The following ATF7IP2 variants were observed in gnomAD, a reference collection of about 807,000 sequenced individuals.
The protein encoded by ATF7IP2 is activating transcription factor 7-interacting protein 2.
ATF7IP2 carries 42 observed loss-of-function variants against 64.2 expected under a neutral mutation model. The observed-to-expected ratio is 0.65, with a 90% CI of 0.51 to 0.85. The LOEUF is 0.85. Among genes scored for constraint, ATF7IP2 ranks in the 40% least tolerant of loss-of-function variants. The pLI, the probability that ATF7IP2 is intolerant of heterozygous loss-of-function variation, is 0.00. For missense variants in ATF7IP2, 933 were observed against 784.2 expected (o/e 1.19, Z -2.27); for synonymous variants, 308 against 272.8 (o/e 1.13, Z -1.27).
chr16:10,478,412 C>T (rs1051422688), intron 12 of ATF7IP2, among the ~76,000 whole-genome samples: 1 of 152,122 alleles, frequency 6.6e-6, no homozygotes, highest in African/African-American at 2.4e-5. Context: ...GAAAGGATTC[C>T]CTATTTAATA....
intron 9 of ATF7IP2, among the ~76,000 whole-genome samples, chr16:10,469,315 C>T (rs1170764882): frequency 1.3e-5 from 2 of 151,980 alleles, no homozygotes; most frequent in East Asian, 3.9e-4. Flanking sequence ...CATCAGAGAC[C>T]TATGGAACAG....
chr16:10,470,273 A>G (rs1195318984), intron 9 of ATF7IP2, among the ~76,000 whole-genome samples: 1 of 152,188 alleles, frequency 6.6e-6, no homozygotes. Flanking sequence ...TGAAATTTAA[A>G]ATGGATGCCA....
At chr16:10,438,384 A>C in intron 7 of ATF7IP2, 149 bp downstream of exon 7, 1 of 701,214 alleles carries the variant, frequency 1.4e-6, no homozygotes, top group Non-Finnish European at 2.1e-6. Flanking sequence ...AGCTGAGACT[A>C]CAGGTGCACA....
At chr16:10,437,322 T>C (rs1218236848) in intron 6 of ATF7IP2, among the ~76,000 whole-genome samples, 1 of 152,138 alleles carries the variant, frequency 6.6e-6, no homozygotes, top group African/African-American at 2.4e-5. Flanking sequence ...CCCGGCTGGC[T>C]TCTTTCAGTT....
intron 6 of ATF7IP2, 74 bp downstream of exon 6, chr16:10,433,723 C>G (rs1196958538): frequency 6.6e-7 from 1 of 1,522,540 alleles, no homozygotes; most frequent in East Asian, 2.3e-5. Flanking sequence ...TATCTGGTCC[C>G]CACAGTGGCA....
At chr16:10,424,320 G>A (rs2048042908) in intron 3 of ATF7IP2, among the ~76,000 whole-genome samples, 1 of 152,020 alleles carries the variant, frequency 6.6e-6, no homozygotes, top group Admixed American at 6.5e-5. Context: ...GGCTAGATTT[G>A]GGGTCCTGTT....
At chr16:10,454,558 A>G (rs976268997) in intron 8 of ATF7IP2, among the ~76,000 whole-genome samples, 3 of 149,902 alleles carry the variant, frequency 2.0e-5, no homozygotes, top group Non-Finnish European at 4.4e-5. Flanking sequence ...TGTTATTTCT[A>G]TCATTTGTTT....
At chr16:10,453,102 C>G (rs1430238510) in intron 8 of ATF7IP2, among the ~76,000 whole-genome samples, 1 of 152,184 alleles carries the variant, frequency 6.6e-6, no homozygotes, top group Non-Finnish European at 1.5e-5. Flanking sequence ...ACGGTTCTCT[C>G]TCACTGGCAT....
At chr16:10,438,277 G>A (rs2048488859) in intron 7 of ATF7IP2, 42 bp downstream of exon 7, 1 of 1,564,198 alleles carries the variant, frequency 6.4e-7, no homozygotes, top group Non-Finnish European at 8.6e-7. Flanking sequence ...GGGGAGTAGG[G>A]GGTGTTGTTG....
intron 3 of ATF7IP2, among the ~76,000 whole-genome samples, chr16:10,425,608 A>G (rs1352201363): frequency 6.6e-6 from 1 of 152,154 alleles, no homozygotes; most frequent in African/African-American, 2.4e-5. Flanking sequence ...AAATGTTAAA[A>G]GTAGGCCGGG....
At chr16:10,432,095 C>G (rs1197872289) in intron 5 of ATF7IP2, among the ~76,000 whole-genome samples, 1 of 151,520 alleles carries the variant, frequency 6.6e-6, no homozygotes, top group Non-Finnish European at 1.5e-5. Flanking sequence ...CCTTGGCCTC[C>G]CAAAGTGCTG....
intron 1 of ATF7IP2, among the ~76,000 whole-genome samples, chr16:10,411,369 T>A (rs1363899111): frequency 1.2e-5 from 1 of 82,540 alleles, no homozygotes; most frequent in East Asian, 4.0e-4. Flanking sequence ...TTTTTTGGTG[T>A]TTTGTTGTTG....
chr16:10,453,814 T>G (rs148688977), intron 8 of ATF7IP2, among the ~76,000 whole-genome samples: 1,711 of 151,954 alleles, frequency 0.011, 40 homozygotes, highest in African/African-American at 0.039. Flanking sequence ...ACAGGGTTTC[T>G]CCATGTTGGT....
chr16:10,457,215 G>T (rs1202190391), intron 8 of ATF7IP2, 157 bp from the exon 9 acceptor site: 6 of 584,578 alleles, frequency 1.0e-5, no homozygotes, highest in Admixed American at 7.9e-5. Flanking sequence ...ATTTTGGCAG[G>T]CAAATCACAA....
intron 1 of ATF7IP2, among the ~76,000 whole-genome samples, chr16:10,390,648 C>A (rs2047303281): frequency 6.6e-6 from 1 of 151,996 alleles, no homozygotes; most frequent in African/African-American, 2.4e-5. Flanking sequence ...AATTAGCCAG[C>A]CATGGAGGGA....
chr16:10,423,853 C>G (rs2141849589), intron 3 of ATF7IP2, among the ~76,000 whole-genome samples: 1 of 152,288 alleles, frequency 6.6e-6, no homozygotes, highest in South Asian at 2.1e-4. Flanking sequence ...CCCCTTCTTA[C>G]CACAGGGATT....
At chr16:10,402,807 G>A (rs2047561016) in intron 1 of ATF7IP2, among the ~76,000 whole-genome samples, 1 of 151,754 alleles carries the variant, frequency 6.6e-6, no homozygotes, top group Admixed American at 6.6e-5. Flanking sequence ...AGGTACAGTG[G>A]CTCCCTCTGT....
chr16:10,406,875 A>G (rs1253741336), intron 1 of ATF7IP2, among the ~76,000 whole-genome samples: 1 of 152,230 alleles, frequency 6.6e-6, no homozygotes, highest in Non-Finnish European at 1.5e-5. Flanking sequence ...ATTTTGAAAA[A>G]TAGATGAGGA....
At chr16:10,432,732 C>T (rs192040060) in intron 5 of ATF7IP2, among the ~76,000 whole-genome samples, 90 of 152,150 alleles carry the variant, frequency 5.9e-4, no homozygotes, top group East Asian at 1.2e-3. Context: ...ATTAGCCAGG[C>T]GTGGTGGTGG....
Sources: gnomAD v4.1 joint callset for allele counts (sites outside exome capture counted in the v4.1 genomes callset) on GRCh38, gnomAD v4.1.1 for gene constraint, MANE v1.5 for transcripts, NCBI Gene and HGNC (gene_info 2026-07-23, HGNC 2026-07-21) for gene names.